Variants in SLC25A10 observed in about 807,000 individuals in gnomAD.
SLC25A10 encodes the protein mitochondrial dicarboxylate carrier.
A neutral mutation model predicts 40.4 loss-of-function variants in SLC25A10; 32 were observed. The observed-to-expected ratio is 0.79, with a 90% CI of 0.60 to 1.06. The LOEUF (loss-of-function observed/expected upper bound fraction) is 1.06, where lower values mean the gene tolerates loss of function less well. Ranked by LOEUF, SLC25A10 falls within the 50% of genes least tolerant of loss-of-function variation. The pLI is 0.00. For missense variants in SLC25A10, 394 were observed against 402.6 expected, an observed-to-expected ratio of 0.98 and a Z score of 0.18; for synonymous variants, 181 against 171.1, an observed-to-expected ratio of 1.06 and a Z score of -0.45.
intron 9 of SLC25A10, among the ~76,000 whole-genome samples, chr17:81,718,881 G>T (rs760288462): frequency 6.9e-6 from 1 of 145,320 alleles, no homozygotes. Flanking sequence ...TTCAGGAGGC[G>T]GAGGTTGCAG....
In SLC25A10 at chr17:81,712,489, C is replaced by T; in HGVS notation, c.63C>T (p.Ala21=). Reference sequence around the variant, plus strand: ...GGGGGCTGGCCTCCTGCGGGGCCGCCTGCTGCACGCACCCGCTGGACCTGC... The same window carrying T: ...GGGGGCTGGCCTCCTGCGGGGCCGCTTGCTGCACGCACCCGCTGGACCTGC... ...YFGGLASCGA[A]CCTHPLDLLK... is the part of the protein sequence containing the mutation. The change falls in exon 1 of 11, where the codon GCC becomes GCT. Residue 21 remains alanine (A), a synonymous_variant. Coordinates refer to ENST00000350690, the MANE Select transcript of SLC25A10 (RefSeq NM_012140.5). The T allele has an allele frequency of 1.5e-6, 2 of 1,304,328 alleles. No homozygotes were observed. The highest frequency in any genetic ancestry group is 2.3e-5 in the South Asian group (1 of 43,928). The allele number at this position is 1,304,328 out of a possible 1,614,324, so 80.8% of individuals were successfully genotyped here.
At position 81,715,463 on chromosome 17, in the gene SLC25A10, G is replaced by T. The variant is rs1222756032; in HGVS notation, c.214-15G>T. On this transcript the variant is annotated splice_polypyrimidine_tract_variant and intron_variant, in intron 2 of 10. Transcript: ENST00000350690. Reference sequence around the variant, plus strand: ...GGGCGTGCCCGTCCCTCCAAGCCAGGCCCTTCTCCCCCAGATGACCTACTC... The same window carrying T: ...GGGCGTGCCCGTCCCTCCAAGCCAGTCCCTTCTCCCCCAGATGACCTACTC... 1.2e-6 allele frequency: 2 copies of T among 1,605,770 alleles called. No homozygotes were observed. Among genetic ancestry groups the T allele is most frequent in the Non-Finnish European group, 8.5e-7 (1 of 1,173,770 alleles).
chr17:81,713,405 C>A, intron 1 of SLC25A10: 1 of 982,238 alleles, frequency 1.0e-6, no homozygotes, highest in Non-Finnish European at 1.2e-6. Context: ...GTCTAGGGGA[C>A]CTTTATTTTA....
In SLC25A10 at chr17:81,717,114, C is replaced by T. The variant is rs200648905; in HGVS notation, c.534+42C>T. On this transcript the variant is annotated intron_variant, in intron 7 of 10. Coordinates refer to ENST00000350690, the MANE Select transcript of SLC25A10 (RefSeq NM_012140.5). Reference sequence around the variant, plus strand: ...GGGTGGGTGTGGGCAGTGCCTGTGACCACTGACCTCCATCTTCAGAGGGGC... The same window carrying T: ...GGGTGGGTGTGGGCAGTGCCTGTGATCACTGACCTCCATCTTCAGAGGGGC... 6.3e-6 allele frequency: 10 copies of T among 1,579,426 alleles called. No individual in the cohort carries two copies. The East Asian group carries it at 6.7e-5, about 11-fold the overall frequency.
At chr17:81,717,337 C>G (rs2037506975) in intron 7 of SLC25A10, 62 bp from the exon 8 acceptor site, 2 of 1,524,578 alleles carry the variant, frequency 1.3e-6, no homozygotes, top group Non-Finnish European at 1.8e-6. Flanking sequence ...GCCTGGGGCC[C>G]TGTGTGCTTT....
chr17:81,716,698 C>T lies in SLC25A10; in HGVS notation c.420-114C>T, dbSNP rs895686132. ...GTTCCCAGGGAGAGATCTTCAGGCC[C>T]ATGAGGCCTCTGCTTCCTCGAGAAC... On this transcript the variant is annotated intron_variant, in intron 5 of 10. Coordinates refer to ENST00000350690, the MANE Select transcript of SLC25A10 (RefSeq NM_012140.5). 21 of 1,032,336 alleles carry T rather than the reference C, an allele frequency of 2.0e-5. No homozygotes were observed. The Admixed American group carries it at 3.2e-4, about 16-fold the overall frequency. 63.9% of individuals were successfully genotyped at this position (1,032,336 alleles called of 1,614,324 possible).
intron 9 of SLC25A10, among the ~76,000 whole-genome samples, chr17:81,718,065 G>T (rs2037521759): frequency 6.6e-6 from 1 of 152,204 alleles, no homozygotes; most frequent in Non-Finnish European, 1.5e-5. Flanking sequence ...AGACTTCTTG[G>T]CCCGGCGCAG....
At chr17:81,714,156 C>G (rs1046727345) in intron 1 of SLC25A10, among the ~76,000 whole-genome samples, 8 of 152,214 alleles carry the variant, frequency 5.3e-5, no homozygotes, top group Admixed American at 3.9e-4. Context: ...GGGCCGCGCA[C>G]GTGCAGGTCA....
Position 81,712,442 on chromosome 17 carries a change from C to A in SLC25A10, c.16C>A (p.Arg6Ser). 7.7e-7 allele frequency: 1 copy of A among 1,305,408 alleles called. No individual in the cohort carries two copies. The allele number at this position is 1,305,408 out of a possible 1,614,324, so 80.9% of individuals were successfully genotyped here. Residue 6 changes from arginine to serine, a missense_variant, in exon 1 of 11, where the codon CGC becomes AGC. Transcript: ENST00000350690. The part of the protein sequence containing the change: MAAEA[R>S]VSRWYFGGLA... ...CTCCTGGGCCATGGCAGCCGAGGCG[C>A]GCGTGTCGCGCTGGTACTTCGGGGG...
In SLC25A10 at chr17:81,715,509, A is replaced by G. The variant is rs748149705; in HGVS notation, c.245A>G (p.Tyr82Cys). ...TACTCCCTGACTCGGTTCGCCATCT[A>G]CGAGACTGTGCGGGACCGTGTGGCC... ...MTYSLTRFAI[Y>C]ETVRDRVAKG... The change falls in exon 3 of 11, where the codon TAC becomes TGC. Residue 82 changes from tyrosine to cysteine, a missense_variant. Tyr to Cys is a radical substitution (Grantham distance 194). Coordinates refer to ENST00000350690, the MANE Select transcript of SLC25A10 (RefSeq NM_012140.5). 3 of 1,612,694 alleles carry G rather than the reference A, an allele frequency of 1.9e-6. No homozygotes were observed. The highest frequency in any genetic ancestry group is 2.5e-6 in the Non-Finnish European group (3 of 1,179,788).
chr17:81,720,470 G>T lies in SLC25A10; in HGVS notation c.*393G>T, dbSNP rs1248255523. ...TCCAGCACTTTCCATCGAGGACTTG[G>T]GTGGCAGAGTGTGGGTGCAGCCTGG... is the stretch of plus-strand genomic sequence containing the variant. On this transcript the variant is annotated 3_prime_UTR_variant, in exon 11 of 11. Transcript: ENST00000350690. The T allele has an allele frequency of 3.0e-6, 4 of 1,326,914 alleles. No individual in the cohort carries two copies. The African/African-American group carries it at 5.9e-5, about 20-fold the overall frequency. 82.2% of individuals were successfully genotyped at this position (1,326,914 alleles called of 1,614,324 possible).
chr17:81,719,082 C>A (rs1382868468), intron 9 of SLC25A10, among the ~76,000 whole-genome samples: 1 of 150,954 alleles, frequency 6.6e-6, no homozygotes, highest in Non-Finnish European at 1.5e-5. Flanking sequence ...CAGGCGCCCG[C>A]CACCATGCCC....
In SLC25A10 at chr17:81,719,797, AGCCTTTTTGATTGTTTCACT is replaced by A; in HGVS notation, c.706-31_706-12del. 1 of 1,611,476 alleles carries A rather than the reference AGCCTTTTTGATTGTTTCACT, an allele frequency of 6.2e-7. No homozygotes were observed. The highest frequency in any genetic ancestry group is 8.5e-7 in the Non-Finnish European group (1 of 1,179,102). On this transcript the variant is annotated splice_polypyrimidine_tract_variant and intron_variant, in intron 9 of 10. Transcript: ENST00000350690. ...TTTCGTTGCCTTTTGGGTGAGAAGCAGCCTTTTTGATTGTTTCACTGCGTTTTCTGCAGGGCGTTTTCCAC... is the reference window on the plus strand; with the variant it reads ...TTTCGTTGCCTTTTGGGTGAGAAGCAGCGTTTTCTGCAGGGCGTTTTCCAC...
At chr17:81,717,672 G>A (rs2037514756) in intron 8 of SLC25A10, 112 bp from the exon 9 acceptor site, 4 of 1,374,606 alleles carry the variant, frequency 2.9e-6, no homozygotes, top group Non-Finnish European at 3.0e-6. Context: ...GCCCCCGCCA[G>A]CATGTTCCTG....
chr17:81,719,787 G>T (rs1471329453), intron 9 of SLC25A10, 44 bp from the exon 10 acceptor site: 1 of 1,609,540 alleles, frequency 6.2e-7, no homozygotes, highest in Non-Finnish European at 8.5e-7. Context: ...TTGCCTTTTG[G>T]GTGAGAAGCA....
chr17:81,718,058 C>T (rs2037521592), intron 9 of SLC25A10, among the ~76,000 whole-genome samples, 197 bp downstream of exon 9: 1 of 152,132 alleles, frequency 6.6e-6, no homozygotes, highest in Non-Finnish European at 1.5e-5. Context: ...TTAGAGAAGA[C>T]TTCTTGGCCC....
In SLC25A10 at chr17:81,717,040, T is replaced by G. The variant is rs775871230; in HGVS notation, c.502T>G (p.Ser168Ala). 38 of 1,613,586 alleles carry G rather than the reference T, an allele frequency of 2.4e-5. No homozygotes were observed. In the Admixed American group the frequency reaches 6.0e-4, roughly 25 times the overall value. The stretch of plus-strand genomic sequence containing the variant: ...ACTGTTCTCGGGTGCAACCATGGCA[T>G]CCAGCCGAGGGGCCTTAGTCACTGT... Reference protein sequence around the residue: ...RRLFSGATMASSRGALVTVGQ... With the variant: ...RRLFSGATMAASRGALVTVGQ... The change falls in exon 7 of 11, where the codon TCC becomes GCC. Residue 168 changes from serine to alanine, a missense_variant. Physicochemically the swap from Ser to Ala is moderately conservative, Grantham distance 99. Coordinates refer to ENST00000350690, the MANE Select transcript of SLC25A10 (RefSeq NM_012140.5).
At chr17:81,719,774 T>C in intron 9 of SLC25A10, 57 bp from the exon 10 acceptor site, 2 of 1,603,604 alleles carry the variant, frequency 1.2e-6, no homozygotes, top group Non-Finnish European at 1.7e-6. Flanking sequence ...GAGGGGATTT[T>C]CGTTGCCTTT....
At position 81,715,739 on chromosome 17, in the gene SLC25A10, C is replaced by T; in HGVS notation, c.375C>T (p.Val125=). 6.2e-7 allele frequency: 1 copy of T among 1,613,310 alleles called. No homozygotes were observed. Among genetic ancestry groups the T allele is most frequent in the Non-Finnish European group, 8.5e-7 (1 of 1,179,954 alleles). Residue 125 remains valine (V), a splice_region_variant and synonymous_variant, in exon 4 of 11, where the codon GTC becomes GTT. Coordinates refer to ENST00000350690, the MANE Select transcript of SLC25A10 (RefSeq NM_012140.5). Reference sequence around the variant, plus strand: ...GGACGCCCGCAGACTTGGTCAACGTCAGGTTGGTGTTCCCCCACCCCACCT... The same window carrying T: ...GGACGCCCGCAGACTTGGTCAACGTTAGGTTGGTGTTCCCCCACCCCACCT... ...FVGTPADLVN[V]RMQNDVKLPQ... is the part of the protein sequence containing the mutation.
Sources: gnomAD v4.1 joint callset for allele counts (sites outside exome capture counted in the v4.1 genomes callset) on GRCh38, gnomAD v4.1.1 for gene constraint, MANE v1.5 for transcripts, NCBI Gene and HGNC (gene_info 2026-07-23, HGNC 2026-07-21) for gene names.